HACD2: variants seen among roughly 807,000 people sequenced by gnomAD.
HACD2 encodes the protein very-long-chain (3R)-3-hydroxyacyl-CoA dehydratase 2.
In HACD2, 15 loss-of-function variants were observed where a neutral mutation model predicts 31.0. That is an observed-to-expected ratio of 0.48 (90% CI 0.32 to 0.75). The LOEUF (loss-of-function observed/expected upper bound fraction) is 0.75. Ranked by LOEUF, HACD2 falls within the 30% of genes least tolerant of loss-of-function variation. The pLI is 0.03. For missense variants in HACD2, 283 were observed against 313.0 expected, an observed-to-expected ratio of 0.90 and a Z score of 0.72; for synonymous variants, 115 against 122.2, an observed-to-expected ratio of 0.94 and a Z score of 0.39.
Position 123,491,938 on chromosome 3 carries a change from A to T in HACD2, c.*2950T>A, listed in dbSNP as rs890898932. On this transcript the variant is annotated 3_prime_UTR_variant, in exon 7 of 7. Transcript: ENST00000383657. The stretch of plus-strand genomic sequence containing the variant: ...TTGCAGGTTGTACCATATCAATGCC[A>T]ACCTTTTATTATAAATGAATAACCA... 1 of 152,266 alleles carries T rather than the reference A, an allele frequency of 6.6e-6. No individual in the cohort carries two copies. Among genetic ancestry groups the T allele is most frequent in the African/African-American group, 2.4e-5 (1 of 41,468 alleles). The allele number at this position is 152,266 out of a possible 1,614,324, so 9.4% of individuals were successfully genotyped here. A position where few individuals can be genotyped will look rare whatever the true frequency, so the allele number is the denominator to read the frequency against.
chr3:123,522,953 TCTC>T (rs1176903225), intron 4 of HACD2, among the ~76,000 whole-genome samples: 4 of 152,104 alleles, frequency 2.6e-5, no homozygotes, highest in Non-Finnish European at 4.4e-5. Flanking sequence ...CAGCATCTCA[TCTC>T]CTCATCTGAA....
chr3:123,548,967 T>C (rs1264053528), intron 3 of HACD2, among the ~76,000 whole-genome samples: 1 of 150,402 alleles, frequency 6.6e-6, no homozygotes, highest in Non-Finnish European at 1.5e-5. Context: ...AGCTATAAAT[T>C]GTGTAATTAC....
At chr3:123,507,074 T>C (rs2055985614) in intron 4 of HACD2, among the ~76,000 whole-genome samples, 1 of 151,966 alleles carries the variant, frequency 6.6e-6, no homozygotes, top group Non-Finnish European at 1.5e-5. Flanking sequence ...CTGGGCAGCA[T>C]AGTGAGATTC....
At chr3:123,583,574 C>T (rs1230113311) in intron 1 of HACD2, among the ~76,000 whole-genome samples, 2 of 152,128 alleles carry the variant, frequency 1.3e-5, no homozygotes, top group Non-Finnish European at 2.9e-5. Flanking sequence ...ATGCAAGTCA[C>T]AACTTCTCTG....
chr3:123,526,257 C>T (rs181615409), intron 4 of HACD2, among the ~76,000 whole-genome samples: 77 of 152,220 alleles, frequency 5.1e-4, no homozygotes, highest in Non-Finnish European at 8.5e-4. Context: ...AGTTAGCTGT[C>T]GAAGACGTAG....
At chr3:123,518,865 G>A (rs1018108143) in intron 4 of HACD2, among the ~76,000 whole-genome samples, 10 of 151,976 alleles carry the variant, frequency 6.6e-5, no homozygotes, top group East Asian at 1.9e-4. Flanking sequence ...GTGTTGTGGT[G>A]CGTGCCTGTA....
At chr3:123,545,310 C>A (rs1207067956) in intron 3 of HACD2, among the ~76,000 whole-genome samples, 1 of 150,104 alleles carries the variant, frequency 6.7e-6, no homozygotes, top group Admixed American at 6.6e-5. Flanking sequence ...GGCGAAACCC[C>A]GTCTCTACTA....
At chr3:123,509,665 A>AT (rs1167218131) in intron 4 of HACD2, among the ~76,000 whole-genome samples, 12 of 151,560 alleles carry the variant, frequency 7.9e-5, no homozygotes, top group African/African-American at 2.9e-4. Context: ...TGCCTGGCTA[A>AT]TTTTTTTGTA....
At chr3:123,509,904 G>C (rs1394816674) in intron 4 of HACD2, among the ~76,000 whole-genome samples, 2 of 151,822 alleles carry the variant, frequency 1.3e-5, no homozygotes, top group East Asian at 3.9e-4. Flanking sequence ...GGACACTATG[G>C]GGGAAAAAAC....
At chr3:123,505,773 GTAC>G (rs2055967304) in intron 4 of HACD2, among the ~76,000 whole-genome samples, 1 of 152,238 alleles carries the variant, frequency 6.6e-6, no homozygotes, top group Non-Finnish European at 1.5e-5. Flanking sequence ...GAGAGGGTAA[GTAC>G]TTTAAAATAT....
At position 123,584,913 on chromosome 3, in the gene HACD2, T is replaced by A; in HGVS notation, c.115A>T (p.Thr39Ser). ...RKKKGPGPLATAYLVIYNVVM... is the reference protein window; with the variant it reads ...RKKKGPGPLASAYLVIYNVVM... ...ACATTGTAGATGACCAGGTACGCCGTGGCCAGGGGCCCCGGGCCCTTCTTC... is the reference window on the plus strand; with the variant it reads ...ACATTGTAGATGACCAGGTACGCCGAGGCCAGGGGCCCCGGGCCCTTCTTC... The change falls in exon 1 of 7, where the codon ACG (threonine) becomes TCG (serine). Residue 39 changes from threonine (T) to serine (S), a missense_variant. Thr to Ser is a moderately conservative substitution (Grantham distance 58). Transcript: ENST00000383657. 6.5e-7 allele frequency: 1 copy of A among 1,528,106 alleles called. No individual in the cohort carries two copies. Among genetic ancestry groups the A allele is most frequent in the Non-Finnish European group, 8.8e-7 (1 of 1,137,474 alleles). 94.7% of individuals were successfully genotyped at this position (1,528,106 alleles called of 1,614,324 possible). A position where few individuals can be genotyped will look rare whatever the true frequency, so the allele number is the denominator to read the frequency against.
chr3:123,570,943 CAT>C (rs1491004694), intron 2 of HACD2, among the ~76,000 whole-genome samples: 24 of 149,666 alleles, frequency 1.6e-4, no homozygotes, highest in Non-Finnish European at 2.2e-4. Context: ...CACACACACA[CAT>C]ACACACACAC....
intron 4 of HACD2, among the ~76,000 whole-genome samples, chr3:123,515,015 A>T (rs906032535): frequency 6.6e-6 from 1 of 152,196 alleles, no homozygotes; most frequent in Non-Finnish European, 1.5e-5. Context: ...ATTTTTGGGG[A>T]AAGATTAGGT....
chr3:123,545,194 T>C (rs1046007866), intron 3 of HACD2, among the ~76,000 whole-genome samples: 3 of 150,506 alleles, frequency 2.0e-5, no homozygotes, highest in Admixed American at 6.6e-5. Context: ...AGAAATAAAG[T>C]CTTTTGGTCA....
At chr3:123,518,654 A>G (rs544699665) in intron 4 of HACD2, among the ~76,000 whole-genome samples, 4 of 152,204 alleles carry the variant, frequency 2.6e-5, no homozygotes, top group African/African-American at 9.7e-5. Context: ...ACCAATGCAG[A>G]AGGCAAAAGA....
intron 3 of HACD2, among the ~76,000 whole-genome samples, chr3:123,542,105 C>T (rs1174826745): frequency 7.5e-6 from 1 of 133,200 alleles, no homozygotes; most frequent in Non-Finnish European, 1.5e-5. Flanking sequence ...CGAGATCCCG[C>T]CACTGCACTC....
At chr3:123,507,893 T>G (rs1309637774) in intron 4 of HACD2, among the ~76,000 whole-genome samples, 2 of 152,016 alleles carry the variant, frequency 1.3e-5, no homozygotes, top group Non-Finnish European at 2.9e-5. Context: ...TATACTTCTG[T>G]AAAGTTATTT....
chr3:123,542,938 T>C (rs2056511675), intron 3 of HACD2, among the ~76,000 whole-genome samples: 1 of 152,200 alleles, frequency 6.6e-6, no homozygotes, highest in South Asian at 2.1e-4. Context: ...TTAAAAGCTA[T>C]GAGATTATGA....
At position 123,524,130 on chromosome 3, in the gene HACD2, T is replaced by C. The variant is rs543379063; in HGVS notation, c.381+4256A>G. ...TGGGTTAGGCTTCAAGTAAACTAAG[T>C]AGAAAAGTAAATTAAATCAAGGGAA... On this transcript the variant is annotated intron_variant, in intron 4 of 6. Transcript: ENST00000383657. Among the ~76,000 whole-genome samples, 8 of 152,170 alleles carry C rather than the reference T, an allele frequency of 5.3e-5. No individual in the cohort carries two copies. The South Asian group carries it at 1.7e-3, about 32-fold the overall frequency.
Sources: allele counts gnomAD v4.1 joint callset (sites outside exome capture counted in the v4.1 genomes callset), GRCh38; gene constraint gnomAD v4.1.1; transcripts MANE v1.5; gene names NCBI Gene and HGNC (gene_info 2026-07-23, HGNC 2026-07-21).